Variants in ULK1 observed in about 807,000 individuals in gnomAD.
The protein encoded by ULK1 is unc-51 like autophagy activating kinase 1.
In ULK1, 48 loss-of-function variants were observed where a neutral mutation model predicts 117.5. That is an observed-to-expected ratio of 0.41 (90% CI 0.32 to 0.52). The LOEUF is 0.52. ULK1 is among the 20% of genes least tolerant of loss of function. The pLI, the probability that ULK1 is intolerant of heterozygous loss-of-function variation, is 0.29. For missense variants in ULK1, 1,387 were observed against 1,473.4 expected, an observed-to-expected ratio of 0.94 and a Z score of 0.96; for synonymous variants, 790 against 637.8, an observed-to-expected ratio of 1.24 and a Z score of -3.60.
At chr12:131,905,221 C>T (rs1889226914) in intron 3 of ULK1, among the ~76,000 whole-genome samples, 1 of 152,192 alleles carries the variant, frequency 6.6e-6, no homozygotes, top group Non-Finnish European at 1.5e-5. Context: ...AGCCTGTCCC[C>T]ACTCAGCATC....
In ULK1 at chr12:131,916,089, G is replaced by C. The variant is rs150209170; in HGVS notation, c.1808G>C (p.Arg603Pro). The change falls in exon 19 of 28, where the codon CGG (arginine) becomes CCG (proline). Residue 603 changes from arginine (R) to proline (P), a missense_variant. By Grantham distance (103) the Arg-to-Pro change is moderately radical (BLOSUM62 -2). Transcript: ENST00000321867. ...SHGLQSCRNLRGSPKLPDFLQ... is the reference protein window; with the variant it reads ...SHGLQSCRNLPGSPKLPDFLQ... ...GGCCTGCAGTCCTGCCGGAACCTGCGGGGCTCACCCAAGCTGCCCGACTTC... is the reference window on the plus strand; with the variant it reads ...GGCCTGCAGTCCTGCCGGAACCTGCCGGGCTCACCCAAGCTGCCCGACTTC... 1 of 1,612,468 alleles carries C rather than the reference G, an allele frequency of 6.2e-7. No homozygotes were observed. The highest frequency in any genetic ancestry group is 1.1e-5 in the South Asian group (1 of 91,070).
intron 17 of ULK1, 24 bp downstream of exon 17, chr12:131,915,255 G>A: frequency 1.2e-6 from 2 of 1,605,896 alleles, no homozygotes; most frequent in Non-Finnish European, 1.7e-6. Flanking sequence ...CTGGGGCCTG[G>A]GAAGGGGCGT....
Position 131,906,663 on chromosome 12 carries a change from G to A in ULK1, c.247-229G>A, listed in dbSNP as rs1046616981. The A allele has an allele frequency of 6.7e-6, 4 of 597,558 alleles. No individual in the cohort carries two copies. In the East Asian group the frequency reaches 1.1e-4, roughly 17 times the overall value. 37.0% of individuals were successfully genotyped at this position (597,558 alleles called of 1,614,324 possible). On this transcript the variant is annotated intron_variant, in intron 3 of 27. Coordinates refer to ENST00000321867, the MANE Select transcript of ULK1 (RefSeq NM_003565.4). ...CCAGGAGCTGTTGCTCTTATGGGGG[G>A]ACCAGGGGCCTTTGCCTTGATCAGA...
chr12:131,899,003 C>T (rs968646555), intron 3 of ULK1, among the ~76,000 whole-genome samples: 1 of 150,968 alleles, frequency 6.6e-6, no homozygotes, highest in Non-Finnish European at 1.5e-5. Flanking sequence ...CTCAGCCTCC[C>T]GAGTAGCTGG....
In ULK1 at chr12:131,906,829, A is replaced by C. The variant is rs117479088; in HGVS notation, c.247-63A>C. ...GCCCAGGCCGAATTGGGGCTGAGCC[A>C]GACTCCCTGCAGTGGGGCCCGGTGG... is the stretch of plus-strand genomic sequence containing the variant. On this transcript the variant is annotated intron_variant, in intron 3 of 27. Transcript: ENST00000321867. 2,355 of 1,608,916 alleles carry C rather than the reference A, an allele frequency of 1.5e-3. 44 individuals carry two copies. In the East Asian group the frequency reaches 0.042, roughly 28 times the overall value.
chr12:131,917,461 G>A lies in ULK1; in HGVS notation c.2233G>A (p.Gly745Ser). 1 of 1,530,988 alleles carries A rather than the reference G, an allele frequency of 6.5e-7. No homozygotes were observed. Among genetic ancestry groups the A allele is most frequent in the Non-Finnish European group, 8.8e-7 (1 of 1,139,808 alleles). 94.8% of individuals were successfully genotyped at this position (1,530,988 alleles called of 1,614,324 possible). A position where few individuals can be genotyped will look rare whatever the true frequency, so the allele number is the denominator to read the frequency against. ...CCTGCACCCAGGAGCCCGTGCTGGG[G>A]GCACCAGCAGCCCTTCCCCGGTGGT... ...GSLHPGARAG[G>S]TSSPSPVVFT... Residue 745 changes from glycine to serine, a missense_variant, in exon 22 of 28, where the codon GGC becomes AGC. Around this residue, in one of 4 missense-constraint regions of ULK1, gnomAD observed 900 missense variants for 858.9 expected, o/e 1.05. Transcript: ENST00000321867.
At chr12:131,909,711 A>G in intron 8 of ULK1, 64 bp from the exon 9 acceptor site, 2 of 1,463,824 alleles carry the variant, frequency 1.4e-6, no homozygotes, top group Admixed American at 4.9e-5. Context: ...GAACGCACCG[A>G]GACCCCGTGG....
intron 5 of ULK1, 137 bp downstream of exon 5, chr12:131,907,668 C>A: frequency 1.8e-6 from 2 of 1,124,734 alleles, no homozygotes; most frequent in Non-Finnish European, 2.5e-6. Context: ...CTTTCTTGTC[C>A]CCCTGGGCCT....
chr12:131,911,429 G>C (rs1566121034), intron 12 of ULK1, among the ~76,000 whole-genome samples: 1 of 152,220 alleles, frequency 6.6e-6, no homozygotes, highest in Non-Finnish European at 1.5e-5. Flanking sequence ...GCGCCCTGCT[G>C]TAGGGAGCTG....
chr12:131,895,239 C>A, intron 1 of ULK1, 127 bp downstream of exon 1: 1 of 674,090 alleles, frequency 1.5e-6, no homozygotes, highest in Non-Finnish European at 2.3e-6. Flanking sequence ...ACTTTCCAGG[C>A]CGACCCCCAC....
chr12:131,915,167 T>C lies in ULK1; in HGVS notation c.1458T>C (p.His486=). Residue 486 remains histidine, a synonymous_variant, in exon 17 of 28, where the codon CAT becomes CAC. Coordinates refer to ENST00000321867, the MANE Select transcript of ULK1 (RefSeq NM_003565.4). ...ASPSPPAHAE[H]GGVLARKMSL... ...CCTCGCCCCCTGCCCACGCTGAGCATGGAGGCGTCCTGGCCAGGAAGATGT... is the reference window on the plus strand; with the variant it reads ...CCTCGCCCCCTGCCCACGCTGAGCACGGAGGCGTCCTGGCCAGGAAGATGT... The C allele has an allele frequency of 1.2e-6, 2 of 1,604,272 alleles. No individual in the cohort carries two copies. The highest frequency in any genetic ancestry group is 1.1e-5 in the South Asian group (1 of 89,842).
intron 3 of ULK1, among the ~76,000 whole-genome samples, chr12:131,898,412 G>A (rs1306100852): frequency 6.6e-6 from 1 of 152,156 alleles, no homozygotes; most frequent in Non-Finnish European, 1.5e-5. Flanking sequence ...CCAAGCATGT[G>A]TCTCCCTAGG....
At chr12:131,914,673 A>T (rs1889693690) in intron 16 of ULK1, among the ~76,000 whole-genome samples, 196 bp downstream of exon 16, 1 of 152,260 alleles carries the variant, frequency 6.6e-6, no homozygotes, top group African/African-American at 2.4e-5. Context: ...TCTGATCAGT[A>T]AAATCTCTCT....
rs1889799088 is a variant in ULK1, at chr12:131,916,585, T to G, written c.2066T>G (p.Phe689Cys). The change falls in exon 20 of 28, where the codon TTT becomes TGT. Residue 689 changes from phenylalanine to cysteine, a missense_variant. Coordinates refer to ENST00000321867, the MANE Select transcript of ULK1 (RefSeq NM_003565.4). ...LRPGEDPKGP[F>C]GRSFSTSRLT... The stretch of plus-strand genomic sequence containing the variant: ...CCAGGCGAGGACCCCAAGGGCCCCT[T>G]TGGCCGGTGAGTTGAGGGGACAGGC... 6.3e-7 allele frequency: 1 copy of G among 1,578,026 alleles called. No homozygotes were observed. Among genetic ancestry groups the G allele is most frequent in the Non-Finnish European group, 8.6e-7 (1 of 1,168,404 alleles).
At chr12:131,906,647 G>T (rs536538850) in intron 3 of ULK1, 7 of 580,170 alleles carry the variant, frequency 1.2e-5, no homozygotes, top group African/African-American at 1.9e-5. Flanking sequence ...GCCAGGAGCT[G>T]TTGCTCTTAT....
chr12:131,916,488 C>G lies in ULK1; in HGVS notation c.1969C>G (p.Arg657Gly), dbSNP rs373878374. The G allele has an allele frequency of 6.8e-6, 11 of 1,612,174 alleles. No individual in the cohort carries two copies. The African/African-American group carries it at 1.3e-4, about 20-fold the overall frequency. ...GCAGGGCGTGGTGATGACGCCCCCT[C>G]GAAACCGGACGCTGCCCGACCTCTC... ...ARQGVVMTPP[R>G]NRTLPDLSEV... The change falls in exon 20 of 28, where the codon CGA becomes GGA. Residue 657 changes from arginine to glycine, a missense_variant. Arg to Gly is a moderately radical substitution (Grantham distance 125, BLOSUM62 -2). Around this residue, in one of 4 missense-constraint regions of ULK1, gnomAD observed 900 missense variants for 858.9 expected, o/e 1.05. Coordinates refer to ENST00000321867, the MANE Select transcript of ULK1 (RefSeq NM_003565.4).
intron 15 of ULK1, 132 bp from the exon 16 acceptor site, chr12:131,914,220 C>T: frequency 7.1e-7 from 1 of 1,407,350 alleles, no homozygotes; most frequent in Non-Finnish European, 9.6e-7. Flanking sequence ...TCAGACCTGG[C>T]ATGGGTCTCA....
rs1382564120 is a variant in ULK1, at chr12:131,922,844, T to A, written c.*1483T>A. ...CCCCGTGACTTCTTCCTCATCACCT[T>A]GATGGCTTTATTCTCACCTTGTGGG... On this transcript the variant is annotated 3_prime_UTR_variant, in exon 28 of 28. Coordinates refer to ENST00000321867, the MANE Select transcript of ULK1 (RefSeq NM_003565.4). 1 of 152,524 alleles carries A rather than the reference T, an allele frequency of 6.6e-6. No individual in the cohort carries two copies. The highest frequency in any genetic ancestry group is 1.5e-5 in the Non-Finnish European group (1 of 68,040). The allele number at this position is 152,524 out of a possible 1,614,324, so 9.4% of individuals were successfully genotyped here. A position where few individuals can be genotyped will look rare whatever the true frequency, so the allele number is the denominator to read the frequency against.
At chr12:131,910,142 A>C (rs1286269001) in intron 10 of ULK1, 112 bp from the exon 11 acceptor site, 1 of 1,568,056 alleles carries the variant, frequency 6.4e-7, no homozygotes, top group Admixed American at 1.7e-5. Flanking sequence ...CAGGGGCTCC[A>C]CCTCCGCCCG....
Sources: allele counts gnomAD v4.1 joint callset (sites outside exome capture counted in the v4.1 genomes callset), GRCh38; gene constraint gnomAD v4.1.1; regional missense constraint gnomAD v4.1.1; transcripts MANE v1.5; gene names NCBI Gene and HGNC (gene_info 2026-07-23, HGNC 2026-07-21).